SUCLG2: variants seen among roughly 807,000 people sequenced by gnomAD.
SUCLG2 encodes succinate-CoA ligase GDP-forming subunit beta.
In SUCLG2, 42 loss-of-function variants were observed where a neutral mutation model predicts 47.9. The ratio of observed to expected loss-of-function variants is 0.88; its 90% confidence interval spans 0.69 to 1.14. The LOEUF is 1.14. Among genes scored for constraint, SUCLG2 ranks in the 50% most tolerant of loss-of-function variants. SUCLG2 has a pLI of 0.00. For synonymous variants in SUCLG2, 195 were observed against 197.3 expected (o/e 0.99, Z 0.10); for missense variants, 571 against 525.9 (o/e 1.09, Z -0.84).
intron 7 of SUCLG2, 98 bp from the exon 8 acceptor site, chr3:67,498,393 ACT>A: frequency 7.7e-7 from 1 of 1,297,896 alleles, no homozygotes; most frequent in East Asian, 2.4e-5. Context: ...AAAGTTAAGT[ACT>A]GTCATTTTTT....
At chr3:67,393,717 T>A (rs1702450812) in intron 10 of SUCLG2, among the ~76,000 whole-genome samples, 1 of 152,146 alleles carries the variant, frequency 6.6e-6, no homozygotes, top group Admixed American at 6.5e-5. Flanking sequence ...GCAGACTGCC[T>A]CCTCAAGTGG....
downstream of SUCLG2, among the ~76,000 whole-genome samples, chr3:67,371,087 T>C (rs1426046783): frequency 1.3e-5 from 2 of 152,222 alleles, no homozygotes; most frequent in Non-Finnish European, 2.9e-5. Flanking sequence ...TGAAAACAGA[T>C]GTGTTAATGA....
chr3:67,379,040 T>C (rs896224075), intron 10 of SUCLG2, among the ~76,000 whole-genome samples: 3 of 152,094 alleles, frequency 2.0e-5, no homozygotes, highest in Middle Eastern at 3.2e-3. Flanking sequence ...TTCACCTCCC[T>C]GGTTCAAGCA....
chr3:67,622,667 G>C (rs570058813), intron 1 of SUCLG2, among the ~76,000 whole-genome samples: 1 of 151,982 alleles, frequency 6.6e-6, no homozygotes, highest in South Asian at 2.1e-4. Flanking sequence ...ATGAAAGAAG[G>C]CAAGCTAGAA....
intron 2 of SUCLG2, among the ~76,000 whole-genome samples, chr3:67,603,073 G>C (rs1708455090): frequency 6.6e-6 from 1 of 152,076 alleles, no homozygotes; most frequent in Admixed American, 6.5e-5. Flanking sequence ...ACCTCTCATG[G>C]ACCACATATG....
intron 2 of SUCLG2, among the ~76,000 whole-genome samples, chr3:67,542,526 A>G (rs1056117761): frequency 6.6e-5 from 10 of 152,186 alleles, no homozygotes; most frequent in Non-Finnish European, 1.2e-4. Context: ...ATTAAAAGAC[A>G]CAGGCTGGCA....
chr3:67,368,417 C>T (rs1203360593), intron 10 of SUCLG2, among the ~76,000 whole-genome samples: 2 of 152,062 alleles, frequency 1.3e-5, no homozygotes, highest in South Asian at 4.1e-4. Flanking sequence ...AAATCACTTT[C>T]ATTTTTAGTT....
intron 2 of SUCLG2, among the ~76,000 whole-genome samples, chr3:67,570,356 C>A (rs1707573547): frequency 6.6e-6 from 1 of 152,244 alleles, no homozygotes. Context: ...TCTACAAATG[C>A]ACATTTGTTC....
chr3:67,613,179 C>G (rs1001644739), intron 1 of SUCLG2, among the ~76,000 whole-genome samples: 1 of 152,200 alleles, frequency 6.6e-6, no homozygotes, highest in Non-Finnish European at 1.5e-5. Flanking sequence ...TAGTCCCGCT[C>G]TCTTCCCCAG....
At chr3:67,538,477 T>C (rs1263345805) in intron 2 of SUCLG2, among the ~76,000 whole-genome samples, 2 of 152,248 alleles carry the variant, frequency 1.3e-5, no homozygotes, top group Non-Finnish European at 2.9e-5. Flanking sequence ...TAGTGCAGTT[T>C]GAAGTCAGGT....
intron 9 of SUCLG2, among the ~76,000 whole-genome samples, chr3:67,485,136 T>TA (rs1705018196): frequency 6.6e-6 from 1 of 152,206 alleles, no homozygotes; most frequent in African/African-American, 2.4e-5. Flanking sequence ...CCCAGCAACT[T>TA]AGAGGGACTG....
chr3:67,573,867 G>A (rs1253666826), intron 2 of SUCLG2, among the ~76,000 whole-genome samples: 1 of 152,072 alleles, frequency 6.6e-6, no homozygotes, highest in Non-Finnish European at 1.5e-5. Context: ...GTGGGACAAA[G>A]AGCCCCATCT....
chr3:67,448,656 A>T (rs558983425), intron 9 of SUCLG2, among the ~76,000 whole-genome samples: 1 of 152,360 alleles, frequency 6.6e-6, no homozygotes, highest in South Asian at 2.1e-4. Context: ...TTGTTTCAAA[A>T]AGTAGATAAC....
intron 2 of SUCLG2, among the ~76,000 whole-genome samples, chr3:67,566,736 A>G (rs1398548206): frequency 6.6e-6 from 1 of 152,192 alleles, no homozygotes; most frequent in African/African-American, 2.4e-5. Flanking sequence ...ATGAACCACT[A>G]TGTTTCTCTC....
intron 9 of SUCLG2, among the ~76,000 whole-genome samples, chr3:67,431,050 T>C (rs948580195): frequency 3.3e-5 from 5 of 152,178 alleles, no homozygotes; most frequent in African/African-American, 9.7e-5. Flanking sequence ...CCATTCCTTC[T>C]GAAACTATTC....
chr3:67,519,543 C>A (rs1034314372), intron 5 of SUCLG2, among the ~76,000 whole-genome samples: 1 of 152,050 alleles, frequency 6.6e-6, no homozygotes, highest in African/African-American at 2.4e-5. Context: ...TACATCGTTT[C>A]CATTCAAGTC....
At chr3:67,607,498 T>C (rs1297196450) in intron 2 of SUCLG2, among the ~76,000 whole-genome samples, 2 of 152,152 alleles carry the variant, frequency 1.3e-5, no homozygotes, top group East Asian at 3.8e-4. Context: ...ATTATACTCC[T>C]ACTAGACAGT....
intron 10 of SUCLG2, among the ~76,000 whole-genome samples, chr3:67,379,414 T>A (rs1312219103): frequency 3.3e-5 from 5 of 152,214 alleles, no homozygotes. Context: ...TTCTGGAGAC[T>A]AGTTTTTTAT....
At chr3:67,567,452 C>T (rs1707484613) in intron 2 of SUCLG2, among the ~76,000 whole-genome samples, 1 of 151,964 alleles carries the variant, frequency 6.6e-6, no homozygotes. Context: ...CACACCACCA[C>T]ACCTGGCTAG....
Sources: gnomAD v4.1 joint callset for allele counts (sites outside exome capture counted in the v4.1 genomes callset) on GRCh38, gnomAD v4.1.1 for gene constraint, MANE v1.5 for transcripts, NCBI Gene and HGNC (gene_info 2026-07-23, HGNC 2026-07-21) for gene names.